MAP4K4: variants seen among roughly 807,000 people sequenced by gnomAD.
MAP4K4 encodes the protein mitogen-activated protein kinase kinase kinase kinase 4.
A neutral mutation model predicts 189.6 loss-of-function variants in MAP4K4; 38 were observed. The observed-to-expected ratio is 0.20, with a 90% CI of 0.15 to 0.26. The LOEUF (loss-of-function observed/expected upper bound fraction) is 0.26. MAP4K4 is among the 10% of genes least tolerant of loss of function. The pLI is 1.00. For missense variants in MAP4K4, 1,054 were observed against 1,726.9 expected (o/e 0.61, Z 6.91); for synonymous variants, 610 against 624.3 (o/e 0.98, Z 0.34).
chr2:101,775,779 C>T (rs1043824747), intron 2 of MAP4K4, among the ~76,000 whole-genome samples: 1 of 152,180 alleles, frequency 6.6e-6, no homozygotes, highest in African/African-American at 2.4e-5. Flanking sequence ...CTCTCAGTGC[C>T]CCGTTCACGC....
chr2:101,802,013 G>T (rs2094419630), intron 3 of MAP4K4, among the ~76,000 whole-genome samples: 1 of 152,176 alleles, frequency 6.6e-6, no homozygotes, highest in South Asian at 2.1e-4. Context: ...TTCAAACTAT[G>T]TCATTTGTGT....
intron 2 of MAP4K4, among the ~76,000 whole-genome samples, chr2:101,770,589 T>C (rs2080926886): frequency 1.3e-5 from 2 of 152,234 alleles, no homozygotes; most frequent in African/African-American, 4.8e-5. Flanking sequence ...CTGTTCATTC[T>C]AATTTTTATA....
At chr2:101,745,936 T>C (rs1317169877) in intron 2 of MAP4K4, among the ~76,000 whole-genome samples, 1 of 151,742 alleles carries the variant, frequency 6.6e-6, no homozygotes, top group East Asian at 1.9e-4. Context: ...TCTGTCAGTC[T>C]ACACTCAGAT....
intron 2 of MAP4K4, among the ~76,000 whole-genome samples, chr2:101,750,567 G>A (rs1167980351): frequency 6.7e-5 from 10 of 150,354 alleles, no homozygotes; most frequent in Admixed American, 2.7e-4. Flanking sequence ...GCTAGATGAC[G>A]AGTTAGTGGG....
intron 2 of MAP4K4, among the ~76,000 whole-genome samples, chr2:101,733,414 G>C (rs1355373915): frequency 6.6e-6 from 1 of 152,204 alleles, no homozygotes; most frequent in African/African-American, 2.4e-5. Context: ...TCTTTCATGA[G>C]ATCATGCAGC....
At chr2:101,822,250 G>A (rs1021252367) in intron 3 of MAP4K4, among the ~76,000 whole-genome samples, 6 of 152,044 alleles carry the variant, frequency 3.9e-5, no homozygotes, top group Admixed American at 2.0e-4. Flanking sequence ...CTGGCTGTGC[G>A]GCAGGTTAGT....
intron 2 of MAP4K4, among the ~76,000 whole-genome samples, chr2:101,731,733 A>AC (rs1383806951): frequency 6.6e-6 from 1 of 151,684 alleles, no homozygotes; most frequent in African/African-American, 2.4e-5. Context: ...ACTGGGTGAC[A>AC]AAGGGAGACC....
At chr2:101,873,496 C>G in intron 24 of MAP4K4, 151 bp from the exon 25 acceptor site, 1 of 544,328 alleles carries the variant, frequency 1.8e-6, no homozygotes, top group Non-Finnish European at 3.3e-6. Context: ...CGTGGAAGCT[C>G]CCCGCAGAGC....
intron 3 of MAP4K4, among the ~76,000 whole-genome samples, chr2:101,791,671 C>G (rs1392537423): frequency 2.0e-5 from 3 of 152,178 alleles, no homozygotes; most frequent in Non-Finnish European, 2.9e-5. Context: ...AATGGCTAAC[C>G]TGATCTCTAG....
rs1018843741 is a variant in MAP4K4 at position 101,702,532 on chromosome 2, G to A, written c.123+3994G>A. 7.8e-4 allele frequency among the ~76,000 whole-genome samples: 118 copies of A among 152,232 alleles called. 1 individual carries two copies. The highest frequency in any genetic ancestry group is 2.7e-3 in the African/African-American group (113 of 41,556). The stretch of plus-strand genomic sequence containing the variant: ...TGCAGTGAGCCGAGATTGTGCCATT[G>A]CACTCCAGCCTGGGCAACAAGAGTG... On this transcript the variant is annotated intron_variant, in intron 2 of 32. Transcript: ENST00000324219.
chr2:101,740,182 C>CT lies in MAP4K4; in HGVS notation c.123+41645dup, dbSNP rs1343445497. Among the ~76,000 whole-genome samples, 118 of 76,944 alleles carry CT rather than the reference C, an allele frequency of 1.5e-3. 31 individuals carry two copies. In the African/African-American group the frequency reaches 0.026, roughly 17 times the overall value. 50.5% of individuals were successfully genotyped at this position (76,944 alleles called of 152,430 possible). A position where few individuals can be genotyped will look rare whatever the true frequency, so the allele number is the denominator to read the frequency against. On this transcript the variant is annotated intron_variant, in intron 2 of 32. Transcript: ENST00000324219. ...TTTTTTTTTTTTTTTGAGACGGAGT[C>CT]TCGCTCTGTCGCCCAGGCTGGAGTG... is the stretch of plus-strand genomic sequence containing the variant.
chr2:101,779,781 T>C (rs7577923), intron 2 of MAP4K4, among the ~76,000 whole-genome samples: 113,072 of 151,500 alleles, frequency 0.75, 42,539 homozygotes, highest in African/African-American at 0.86. Flanking sequence ...AAAGAAAACT[T>C]GAAAGGTGGG....
chr2:101,816,570 G>A (rs1176308075), intron 3 of MAP4K4, among the ~76,000 whole-genome samples: 1 of 152,190 alleles, frequency 6.6e-6, no homozygotes, highest in Non-Finnish European at 1.5e-5. Context: ...ACTGAGGCAA[G>A]ATTCTCCTCA....
rs572547434 is a variant in MAP4K4, at chr2:101,710,188, G to A, written c.123+11650G>A. ...AGATCCCGGTTGAATATTGCCTGAG[G>A]TTGAGTGTGTACATTTAAGTGACAC... is the stretch of plus-strand genomic sequence containing the variant. On this transcript the variant is annotated intron_variant, in intron 2 of 32. Coordinates refer to ENST00000324219, the Ensembl canonical transcript of MAP4K4. Among the ~76,000 whole-genome samples, 12 of 152,304 alleles carry A rather than the reference G, an allele frequency of 7.9e-5. No individual in the cohort carries two copies. The East Asian group carries it at 1.5e-3, about 20-fold the overall frequency.
chr2:101,791,659 A>G (rs1030637867), intron 3 of MAP4K4, among the ~76,000 whole-genome samples: 2 of 152,176 alleles, frequency 1.3e-5, no homozygotes, highest in East Asian at 1.9e-4. Context: ...GTCAAGGGAG[A>G]TAATGGCTAA....
intron 2 of MAP4K4, among the ~76,000 whole-genome samples, chr2:101,774,205 A>G (rs2082823082): frequency 6.6e-6 from 1 of 152,066 alleles, no homozygotes; most frequent in Non-Finnish European, 1.5e-5. Context: ...TTTTCTCCTC[A>G]TCCTCGCCAG....
chr2:101,840,217 G>A (rs1021688585), intron 10 of MAP4K4, among the ~76,000 whole-genome samples: 1 of 152,068 alleles, frequency 6.6e-6, no homozygotes, highest in African/African-American at 2.4e-5. Context: ...CAAATAGATC[G>A]GCATTGCGAT....
At chr2:101,883,697 T>G (rs2098441767) in intron 28 of MAP4K4, among the ~76,000 whole-genome samples, 1 of 152,154 alleles carries the variant, frequency 6.6e-6, no homozygotes. Flanking sequence ...TGTTTCTGCT[T>G]GTGTGTTTTC....
At position 101,788,934 on chromosome 2, in the gene MAP4K4, G is replaced by T. The variant is rs555757733; in HGVS notation, c.124-1786G>T. Among the ~76,000 whole-genome samples, 217 of 152,192 alleles carry T rather than the reference G, an allele frequency of 1.4e-3. 1 individual carries two copies. Among genetic ancestry groups the T allele is most frequent in the African/African-American group, 5.0e-3 (209 of 41,532 alleles). ...GAGGAGGCTTTTTCATAGACCCGTG[G>T]ATTTTCTTGATTTGTAGGGATCTTA... On this transcript the variant is annotated intron_variant, in intron 2 of 32. Transcript: ENST00000324219.
Sources: allele counts gnomAD v4.1 joint callset (sites outside exome capture counted in the v4.1 genomes callset), GRCh38; gene constraint gnomAD v4.1.1; transcripts MANE v1.5; gene names NCBI Gene and HGNC (gene_info 2026-07-23, HGNC 2026-07-21).